The following MYBL1 variants were observed in gnomAD, a reference collection of about 807,000 sequenced individuals.
The protein encoded by MYBL1 is myb-related protein A.
MYBL1 carries 17 observed loss-of-function variants against 96.3 expected under a neutral mutation model. The observed-to-expected ratio is 0.18, with a 90% CI of 0.12 to 0.26. The LOEUF is 0.26. Among genes scored for constraint, MYBL1 ranks in the 10% least tolerant of loss-of-function variants. The pLI is 1.00. For missense variants in MYBL1, 701 were observed against 882.9 expected, an observed-to-expected ratio of 0.79 and a Z score of 2.61; for synonymous variants, 282 against 292.7, an observed-to-expected ratio of 0.96 and a Z score of 0.37.
intron 1 of MYBL1, among the ~76,000 whole-genome samples, chr8:66,608,162 A>T (rs1462937211): frequency 6.6e-6 from 1 of 152,190 alleles, no homozygotes; most frequent in Non-Finnish European, 1.5e-5. Flanking sequence ...TTTCCTAAAA[A>T]CTAGTTCATT....
intron 8 of MYBL1, among the ~76,000 whole-genome samples, chr8:66,583,105 G>A (rs2129854325): frequency 6.6e-6 from 1 of 152,262 alleles, no homozygotes; most frequent in Admixed American, 6.5e-5. Flanking sequence ...CACAAAATAA[G>A]TCTGAACAAA....
intron 8 of MYBL1, among the ~76,000 whole-genome samples, chr8:66,581,385 T>C (rs1302373795): frequency 6.6e-6 from 1 of 152,076 alleles, no homozygotes; most frequent in Admixed American, 6.6e-5. Context: ...ATTCTAAAAA[T>C]AGCAAGAGAG....
chr8:66,586,707 G>C (rs1213767832), intron 8 of MYBL1, among the ~76,000 whole-genome samples: 1 of 152,110 alleles, frequency 6.6e-6, no homozygotes, highest in Non-Finnish European at 1.5e-5. Context: ...AATCATATAT[G>C]TACTTCCATG....
intron 3 of MYBL1, among the ~76,000 whole-genome samples, chr8:66,600,165 A>G (rs182506204): frequency 6.6e-6 from 1 of 152,364 alleles, no homozygotes; most frequent in African/African-American, 2.4e-5. Context: ...GCCTTATTTT[A>G]GTCAGTCCAG....
intron 3 of MYBL1, 142 bp downstream of exon 3, chr8:66,601,556 T>C (rs552198000): frequency 1.8e-6 from 1 of 551,000 alleles, no homozygotes; most frequent in East Asian, 3.1e-5. Context: ...AGCAACCAAC[T>C]AGAGGCAGAC....
chr8:66,597,149 A>G (rs1809884318), intron 5 of MYBL1, among the ~76,000 whole-genome samples, 181 bp downstream of exon 5: 1 of 152,184 alleles, frequency 6.6e-6, no homozygotes, highest in South Asian at 2.1e-4. Flanking sequence ...TAAAAAAGTA[A>G]TCATACCCTT....
At chr8:66,567,918 C>T (rs527580539) in intron 12 of MYBL1, among the ~76,000 whole-genome samples, 6 of 151,406 alleles carry the variant, frequency 4.0e-5, no homozygotes, top group African/African-American at 1.2e-4. Context: ...AAAAATTAGC[C>T]GGGGGTGGTG....
At chr8:66,585,179 A>C (rs1055993486) in intron 8 of MYBL1, among the ~76,000 whole-genome samples, 1 of 152,214 alleles carries the variant, frequency 6.6e-6, no homozygotes, top group Non-Finnish European at 1.5e-5. Context: ...TAACCAAAAC[A>C]GCATGGTACT....
chr8:66,602,913 T>C (rs2130024977), intron 1 of MYBL1, among the ~76,000 whole-genome samples: 1 of 150,942 alleles, frequency 6.6e-6, no homozygotes, highest in East Asian at 2.0e-4. Context: ...GCCCAGCTAA[T>C]TTTTTGTATT....
At position 66,566,194 on chromosome 8, in the gene MYBL1, A is replaced by T. The variant is rs1181768882; in HGVS notation, c.2000T>A (p.Ile667Lys). 2.0e-6 allele frequency: 3 copies of T among 1,514,818 alleles called. No individual in the cohort carries two copies. The Admixed American group carries it at 5.9e-5, about 30-fold the overall frequency. The allele number at this position is 1,514,818 out of a possible 1,614,324, so 93.8% of individuals were successfully genotyped here. The change falls in exon 15 of 16, where the codon ATA becomes AAA. Residue 667 changes from isoleucine (I) to lysine (K), a missense_variant. Around this residue, in one of 5 missense-constraint regions of MYBL1, gnomAD observed 137 missense variants for 137.5 expected, o/e 1.00. Coordinates refer to ENST00000522677, the MANE Select transcript of MYBL1 (RefSeq NM_001080416.4). ...AATCAAGTTGCACCTATTGTCATGT[A>T]TTTCCAATAATGGTATCATTAATAA... ...TSLLMIPLLEIHDNRCNLIPE... is the reference protein window; with the variant it reads ...TSLLMIPLLEKHDNRCNLIPE...
rs756804138 is a variant in MYBL1 at position 66,566,713 on chromosome 8, G to T, written c.1921C>A (p.Leu641Met). Residue 641 changes from leucine to methionine, a missense_variant, in exon 14 of 16, where the codon CTG becomes ATG. By Grantham distance (15) the Leu-to-Met change is conservative. This residue lies in a region of MYBL1 where 137 missense variants were observed against 137.5 expected (regional missense o/e 1.00). Coordinates refer to ENST00000522677, the MANE Select transcript of MYBL1 (RefSeq NM_001080416.4). ...ATGTCTGAAATGTCTTCAGTCAACAGTTGAGTGCCTGATTCTTCTTTTTCC... is the reference window on the plus strand; with the variant it reads ...ATGTCTGAAATGTCTTCAGTCAACATTTGAGTGCCTGATTCTTCTTTTTCC... ...NWEKEESGTQ[L>M]LTEDISDMQS... 10 of 1,606,668 alleles carry T rather than the reference G, an allele frequency of 6.2e-6. No individual in the cohort carries two copies. In the South Asian group the frequency reaches 9.9e-5, roughly 16 times the overall value.
intron 2 of MYBL1, 74 bp downstream of exon 2, chr8:66,602,344 C>T (rs981899803): frequency 9.6e-6 from 10 of 1,037,672 alleles, no homozygotes; most frequent in Non-Finnish European, 1.2e-5. Context: ...AGCCACCACA[C>T]CTGGCCGTAT....
chr8:66,606,159 C>G (rs1810305061), intron 1 of MYBL1, among the ~76,000 whole-genome samples: 1 of 152,172 alleles, frequency 6.6e-6, no homozygotes, highest in Non-Finnish European at 1.5e-5. Flanking sequence ...GGTTCTGGTT[C>G]TAACTTAATT....
At chr8:66,590,141 C>A (rs1809581302) in intron 8 of MYBL1, among the ~76,000 whole-genome samples, 1 of 152,072 alleles carries the variant, frequency 6.6e-6, no homozygotes, top group Non-Finnish European at 1.5e-5. Context: ...CTATTATAAT[C>A]AATAAATATC....
chr8:66,591,942 A>T (rs551654189), intron 8 of MYBL1, among the ~76,000 whole-genome samples: 7 of 152,080 alleles, frequency 4.6e-5, no homozygotes, highest in Non-Finnish European at 1.0e-4. Context: ...GAACATTGTA[A>T]ATTATGCTCA....
Position 66,592,466 on chromosome 8 carries a change from C to T in MYBL1, c.841G>A (p.Glu281Lys). The change falls in exon 8 of 16, where the codon GAA (glutamate) becomes AAA (lysine). Residue 281 changes from glutamate (E) to lysine (K), a missense_variant. Coordinates refer to ENST00000522677, the MANE Select transcript of MYBL1 (RefSeq NM_001080416.4). ...GATGGAATTCGCTTTCTTCTAACTT[C>T]ATTCTCAGCTGACATAAGAAGCATC... ...LEMLLMSAEN[E>K]VRRKRIPSQP... 1 of 1,600,924 alleles carries T rather than the reference C, an allele frequency of 6.2e-7. No individual in the cohort carries two copies. The highest frequency in any genetic ancestry group is 8.5e-7 in the Non-Finnish European group (1 of 1,176,914).
At position 66,580,209 on chromosome 8, in the gene MYBL1, G is replaced by A. The variant is rs753649873; in HGVS notation, c.1025C>T (p.Ala342Val). The part of the protein sequence containing the change: ...AQQNSPTKFL[A>V]VEANAVLSSL... ...GGATAACACAGCGTTTGCCTCCACG[G>A]CCAGGAACTTTGTGGGTGAATTCTG... Residue 342 changes from alanine (A) to valine (V), a missense_variant, in exon 9 of 16, where the codon GCC becomes GTC. By Grantham distance (64) the Ala-to-Val change is moderately conservative (BLOSUM62 0). Around this residue, in one of 5 missense-constraint regions of MYBL1, gnomAD observed 396 missense variants for 407.4 expected, o/e 0.97. Coordinates refer to ENST00000522677, the MANE Select transcript of MYBL1 (RefSeq NM_001080416.4). The A allele has an allele frequency of 2.5e-6, 4 of 1,613,894 alleles. No homozygotes were observed. The highest frequency in any genetic ancestry group is 1.7e-5 in the Admixed American group (1 of 59,986).
chr8:66,606,575 T>C (rs1193753190), intron 1 of MYBL1, among the ~76,000 whole-genome samples: 1 of 152,232 alleles, frequency 6.6e-6, no homozygotes, highest in Non-Finnish European at 1.5e-5. Context: ...ATACTGTCTA[T>C]AGATCCTTTG....
At chr8:66,585,380 A>T (rs1408002809) in intron 8 of MYBL1, among the ~76,000 whole-genome samples, 3 of 152,216 alleles carry the variant, frequency 2.0e-5, no homozygotes, top group Admixed American at 6.5e-5. Context: ...TTTTTGTGAA[A>T]GAAGAAAATC....
Sources: gnomAD v4.1 joint callset for allele counts (sites outside exome capture counted in the v4.1 genomes callset) on GRCh38, gnomAD v4.1.1 for gene constraint, gnomAD v4.1.1 regional missense constraint, MANE v1.5 for transcripts, NCBI Gene and HGNC (gene_info 2026-07-23, HGNC 2026-07-21) for gene names.